The following CNTN4 variants were observed in gnomAD, a reference collection of about 807,000 sequenced individuals.
CNTN4 encodes the protein contactin 4, also known as contactin-4.
A neutral mutation model predicts 122.5 loss-of-function variants in CNTN4; 77 were observed. The ratio of observed to expected loss-of-function variants is 0.63; its 90% CI spans 0.52 to 0.76. The LOEUF (loss-of-function observed/expected upper bound fraction) is 0.76. Among genes scored for constraint, CNTN4 ranks in the 30% least tolerant of loss-of-function variants. The pLI is 0.00. For missense variants in CNTN4, 1,256 were observed against 1,259.1 expected (o/e 1.00, Z 0.04); for synonymous variants, 512 against 447.0 (o/e 1.15, Z -1.83).
intron 13 of CNTN4, among the ~76,000 whole-genome samples, chr3:2,987,981 G>A (rs993106869): frequency 8.5e-5 from 13 of 152,122 alleles, no homozygotes; most frequent in African/African-American, 2.6e-4. Flanking sequence ...GGATTTTTTC[G>A]TATTCCTTAT....
chr3:2,414,021 G>A (rs960479943), intron 3 of CNTN4, among the ~76,000 whole-genome samples: 2 of 152,094 alleles, frequency 1.3e-5, no homozygotes, highest in African/African-American at 4.8e-5. Context: ...TACCGAGGAT[G>A]GCACAGAGCT....
At chr3:2,571,782 C>A (rs1296912093) in intron 4 of CNTN4, among the ~76,000 whole-genome samples, 1 of 152,150 alleles carries the variant, frequency 6.6e-6, no homozygotes, top group East Asian at 1.9e-4. Context: ...ACCTGTCTAT[C>A]TGGTCCTTTT....
intron 3 of CNTN4, among the ~76,000 whole-genome samples, chr3:2,515,524 CAAAT>C (rs1166098061): frequency 6.6e-6 from 1 of 151,820 alleles, no homozygotes; most frequent in Non-Finnish European, 1.5e-5. Flanking sequence ...ATTTTATTAA[CAAAT>C]AGATACCCGT....
At chr3:2,539,475 C>G (rs2077945926) in intron 3 of CNTN4, among the ~76,000 whole-genome samples, 1 of 151,902 alleles carries the variant, frequency 6.6e-6, no homozygotes, top group Non-Finnish European at 1.5e-5. Flanking sequence ...ACTATTTTTT[C>G]CTTAATCTCC....
chr3:2,410,812 T>G (rs749997841), intron 3 of CNTN4, among the ~76,000 whole-genome samples: 1 of 152,332 alleles, frequency 6.6e-6, no homozygotes, highest in South Asian at 2.1e-4. Flanking sequence ...CTTTCTAGTT[T>G]CATATTAAAA....
intron 3 of CNTN4, among the ~76,000 whole-genome samples, chr3:2,495,298 T>C (rs1559606452): frequency 1.3e-5 from 2 of 152,220 alleles, no homozygotes; most frequent in Non-Finnish European, 2.9e-5. Context: ...TAATACATAC[T>C]CTCTTAAAAT....
rs140220162 is a variant in CNTN4, at chr3:2,995,900, C to T, written c.1486+7428C>T. On this transcript the variant is annotated intron_variant, in intron 14 of 24. Transcript: ENST00000418658. ...GGCATTTAACCTAGTGGGATTCACACGTGTTCTGAGGCAGACTTGCAAAGG... is the reference window on the plus strand; with the variant it reads ...GGCATTTAACCTAGTGGGATTCACATGTGTTCTGAGGCAGACTTGCAAAGG... Among the ~76,000 whole-genome samples, 400 of 152,102 alleles carry T rather than the reference C, an allele frequency of 2.6e-3. 2 individuals are homozygous for T. Among genetic ancestry groups the T allele is most frequent in the Middle Eastern group, 0.01 (3 of 294 alleles).
chr3:2,251,397 T>C (rs995620828), intron 2 of CNTN4, among the ~76,000 whole-genome samples: 15 of 151,978 alleles, frequency 9.9e-5, no homozygotes, highest in Non-Finnish European at 1.6e-4. Context: ...TTTTGTGTTC[T>C]CATTTTGGTT....
intron 3 of CNTN4, among the ~76,000 whole-genome samples, chr3:2,420,693 C>T (rs1326293245): frequency 6.6e-6 from 1 of 152,128 alleles, no homozygotes; most frequent in Non-Finnish European, 1.5e-5. Context: ...GCCTCTGCCT[C>T]CCAAAGTGCA....
At chr3:2,993,836 G>A (rs148258731) in intron 14 of CNTN4, among the ~76,000 whole-genome samples, 46 of 152,262 alleles carry the variant, frequency 3.0e-4, no homozygotes, top group African/African-American at 1.1e-3. Context: ...ACATGTCCTT[G>A]AGTCTGATTA....
chr3:2,988,344 G>A lies in CNTN4; in HGVS notation c.1359-1G>A. The A allele has an allele frequency of 6.2e-7, 1 of 1,613,446 alleles. No homozygotes were observed. The highest frequency in any genetic ancestry group is 1.7e-4 in the Middle Eastern group (1 of 6,058). ...TTTTGGTTCATTTACTTTGATTTCA[G>A]AATTACCATTTCTGAAGATGGAAAC... On this transcript the variant is annotated splice_acceptor_variant, in intron 13 of 24. Transcript: ENST00000418658. LOFTEE classifies it high-confidence loss of function.
At chr3:2,509,246 C>G (rs1349280636) in intron 3 of CNTN4, among the ~76,000 whole-genome samples, 1 of 152,194 alleles carries the variant, frequency 6.6e-6, no homozygotes, top group African/African-American at 2.4e-5. Flanking sequence ...CAGAACCTCA[C>G]ACGAGCTGCG....
At chr3:2,287,736 G>T (rs1010443009) in intron 2 of CNTN4, among the ~76,000 whole-genome samples, 2 of 122,200 alleles carry the variant, frequency 1.6e-5, no homozygotes, top group African/African-American at 2.9e-5. Flanking sequence ...AGAAGAAGAA[G>T]AAGAAGAAGA....
At chr3:2,602,474 G>T (rs940280693) in intron 4 of CNTN4, among the ~76,000 whole-genome samples, 5 of 152,074 alleles carry the variant, frequency 3.3e-5, no homozygotes, top group Non-Finnish European at 7.4e-5. Context: ...AATCATCAGT[G>T]AACTCCCATT....
In CNTN4 at chr3:2,975,107, G is replaced by A. The variant is rs560105808; in HGVS notation, c.1359-13238G>A. On this transcript the variant is annotated intron_variant, in intron 13 of 24. Transcript: ENST00000418658. ...TATTTTTCACATATTCTTTACTTTT[G>A]CTTCTGCTTTCAGACACATTAATAG... Among the ~76,000 whole-genome samples, 6 of 151,662 alleles carry A rather than the reference G, an allele frequency of 4.0e-5. No homozygotes were observed. In the South Asian group the frequency reaches 6.2e-4, roughly 16 times the overall value.
chr3:2,164,692 A>G (rs1340199308), intron 2 of CNTN4, among the ~76,000 whole-genome samples: 1 of 152,200 alleles, frequency 6.6e-6, no homozygotes, highest in African/African-American at 2.4e-5. Context: ...CTCATCTGCC[A>G]CAGAAAATGC....
chr3:2,838,400 C>G (rs2093277732), intron 7 of CNTN4, among the ~76,000 whole-genome samples: 1 of 152,006 alleles, frequency 6.6e-6, no homozygotes, highest in South Asian at 2.1e-4. Context: ...ATATAGTCTA[C>G]CACATTCCTA....
At chr3:2,479,295 A>C (rs2075918651) in intron 3 of CNTN4, among the ~76,000 whole-genome samples, 2 of 152,214 alleles carry the variant, frequency 1.3e-5, no homozygotes, top group Admixed American at 6.5e-5. Flanking sequence ...TTAACTAAAC[A>C]AATGAACATT....
At chr3:2,673,660 C>A (rs1026209581) in intron 4 of CNTN4, among the ~76,000 whole-genome samples, 1 of 152,146 alleles carries the variant, frequency 6.6e-6, no homozygotes, top group Non-Finnish European at 1.5e-5. Flanking sequence ...CCTGCCTCAG[C>A]CTCCCAAGTA....
Sources: gnomAD v4.1 joint callset for allele counts (sites outside exome capture counted in the v4.1 genomes callset) on GRCh38, gnomAD v4.1.1 for gene constraint, MANE v1.5 for transcripts, NCBI Gene and HGNC (gene_info 2026-07-23, HGNC 2026-07-21) for gene names.